DLST: variants seen among roughly 807,000 people sequenced by gnomAD.
DLST encodes dihydrolipoamide S-succinyltransferase, also known as dihydrolipoyllysine-residue succinyltransferase component of 2-oxoglutarate dehydrogenase complex, mitochondrial.
A neutral mutation model predicts 53.1 loss-of-function variants in DLST; 17 were observed. The observed-to-expected ratio is 0.32, with a 90% CI of 0.22 to 0.48. DLST has a LOEUF of 0.48. Ranked by LOEUF, DLST falls within the 20% of genes least tolerant of loss-of-function variation. The pLI, the probability that DLST is intolerant of heterozygous loss-of-function variation, is 0.99. For synonymous variants in DLST, 206 were observed against 204.8 expected (o/e 1.01, Z -0.05); for missense variants, 512 against 583.9 (o/e 0.88, Z 1.27).
At chr14:74,885,860 G>C in intron 3 of DLST, 1 of 470,794 alleles carries the variant, frequency 2.1e-6, no homozygotes. Flanking sequence ...ACTCTCCACA[G>C]GTGTTTGGAT....
intron 13 of DLST, 71 bp downstream of exon 13, chr14:74,900,443 T>C: frequency 1.9e-5 from 26 of 1,375,746 alleles, no homozygotes; most frequent in Non-Finnish European, 2.7e-5. Flanking sequence ...CTGGGCTCAC[T>C]AGCAAGCAGT....
chr14:74,888,362 T>C (rs1186313866), intron 3 of DLST, among the ~76,000 whole-genome samples: 1 of 151,778 alleles, frequency 6.6e-6, no homozygotes, highest in Non-Finnish European at 1.5e-5. Context: ...CTAAATCTGT[T>C]ATCTTGAGGG....
chr14:74,898,280 C>G (rs1047522965), intron 10 of DLST, 89 bp from the exon 11 acceptor site: 51 of 1,509,140 alleles, frequency 3.4e-5, no homozygotes, highest in African/African-American at 8.4e-5. Context: ...GGGAAAAGCT[C>G]TCACCTAATT....
chr14:74,902,166 G>A (rs1240140242), intron 14 of DLST, 30 bp from the exon 15 acceptor site: 1 of 1,519,218 alleles, frequency 6.6e-7, no homozygotes, highest in Admixed American at 2.0e-5. Flanking sequence ...GCTTGCTGGA[G>A]ACAAACCTAT....
rs77722908 is a variant in DLST at position 74,885,791 on chromosome 14, C to G, written c.146+157C>G. On this transcript the variant is annotated intron_variant, in intron 3 of 14. Coordinates refer to ENST00000334220, the MANE Select transcript of DLST (RefSeq NM_001933.5). ...TAGACTAACCTCAATGTTCACTTTT[C>G]CCATGTGATGTTCCTTGAGCATCAG... The G allele has an allele frequency of 2.9e-3, 1,904 of 664,488 alleles. 26 individuals are homozygous for G. In the African/African-American group the frequency reaches 0.032, roughly 11 times the overall value. 41.2% of individuals were successfully genotyped at this position (664,488 alleles called of 1,614,324 possible).
intron 2 of DLST, 100 bp downstream of exon 2, chr14:74,882,724 C>T (rs1566787618): frequency 1.8e-6 from 2 of 1,102,376 alleles, no homozygotes; most frequent in Non-Finnish European, 2.7e-6. Flanking sequence ...TATTTAAAGA[C>T]AGTTTGGTTC....
At position 74,889,128 on chromosome 14, in the gene DLST, C is replaced by T. The variant is rs763870039; in HGVS notation, c.180C>T (p.Phe60=). The part of the protein sequence containing the change: ...INNSVFSVRF[F]RTTAVCKDDL... ...ACAGTGTCTTCAGTGTTCGCTTTTT[C>T]AGAACTACAGCTGTATGCAGTAAGT... Residue 60 remains phenylalanine (F), a synonymous_variant, in exon 4 of 15, where the codon TTC becomes TTT. Coordinates refer to ENST00000334220, the MANE Select transcript of DLST (RefSeq NM_001933.5). 1 of 1,614,076 alleles carries T rather than the reference C, an allele frequency of 6.2e-7. No homozygotes were observed. Among genetic ancestry groups the T allele is most frequent in the South Asian group, 1.1e-5 (1 of 91,066 alleles).
intron 14 of DLST, 78 bp downstream of exon 14, chr14:74,901,311 CAT>C: frequency 1.4e-6 from 2 of 1,382,618 alleles, no homozygotes; most frequent in Non-Finnish European, 2.0e-6. Flanking sequence ...AATTGTAAAA[CAT>C]TAACTATAAT....
At chr14:74,884,126 T>A (rs1468674302) in intron 2 of DLST, among the ~76,000 whole-genome samples, 2 of 152,194 alleles carry the variant, frequency 1.3e-5, no homozygotes, top group African/African-American at 4.8e-5. Context: ...AGAAAATGTA[T>A]TCCAGGCAAA....
At chr14:74,886,663 CA>C (rs2140187717) in intron 3 of DLST, among the ~76,000 whole-genome samples, 1 of 152,148 alleles carries the variant, frequency 6.6e-6, no homozygotes, top group Non-Finnish European at 1.5e-5. Flanking sequence ...ATGTTGCACT[CA>C]GTACTAGAAA....
Position 74,900,279 on chromosome 14 carries a change from C to T in DLST, c.976-10C>T. On this transcript the variant is annotated splice_polypyrimidine_tract_variant and intron_variant, in intron 12 of 14. Coordinates refer to ENST00000334220, the MANE Select transcript of DLST (RefSeq NM_001933.5). ...ATTTGCAACTGAAAACAGCTTTTCACCCCCTTCAGGGTCTGGTGGTTCCAG... is the reference window on the plus strand; with the variant it reads ...ATTTGCAACTGAAAACAGCTTTTCATCCCCTTCAGGGTCTGGTGGTTCCAG... 3 of 1,613,660 alleles carry T rather than the reference C, an allele frequency of 1.9e-6. No homozygotes were observed. The highest frequency in any genetic ancestry group is 1.1e-5 in the South Asian group (1 of 91,040).
intron 7 of DLST, 91 bp downstream of exon 7, chr14:74,891,258 G>GGCAGC: frequency 6.4e-7 from 1 of 1,572,602 alleles, no homozygotes; most frequent in Non-Finnish European, 8.7e-7. Flanking sequence ...ATATGTCAAA[G>GGCAGC]ACTCTTGTCA....
intron 3 of DLST, among the ~76,000 whole-genome samples, chr14:74,886,331 G>T (rs112225496): frequency 6.6e-6 from 1 of 152,130 alleles, no homozygotes; most frequent in Non-Finnish European, 1.5e-5. Context: ...GAGGGTTTTT[G>T]TTGTTGTTGT....
chr14:74,903,061 C>T lies in DLST; in HGVS notation c.*731C>T, dbSNP rs1884319796. 6.5e-6 allele frequency: 1 copy of T among 152,718 alleles called. No individual in the cohort carries two copies. The highest frequency in any genetic ancestry group is 2.1e-4 in the South Asian group (1 of 4,836). The allele number at this position is 152,718 out of a possible 1,614,324, so 9.5% of individuals were successfully genotyped here. A position where few individuals can be genotyped will look rare whatever the true frequency, so the allele number is the denominator to read the frequency against. ...GACACCAAGAAGACTCGTCTTGGCA[C>T]AATCTCACACAGCTGGGGCTGTAGC... is the stretch of plus-strand genomic sequence containing the variant. On this transcript the variant is annotated 3_prime_UTR_variant, in exon 15 of 15. Transcript: ENST00000334220.
chr14:74,898,214 T>C (rs1884131970), intron 10 of DLST, among the ~76,000 whole-genome samples, 155 bp from the exon 11 acceptor site: 1 of 152,168 alleles, frequency 6.6e-6, no homozygotes, highest in Admixed American at 6.5e-5. Flanking sequence ...AGAGTTACTG[T>C]GTTAACCTCA....
chr14:74,884,210 G>A (rs531707784), intron 2 of DLST, among the ~76,000 whole-genome samples: 2 of 152,320 alleles, frequency 1.3e-5, no homozygotes, highest in African/African-American at 4.8e-5. Flanking sequence ...AAGCCTGTCT[G>A]GCAGGAAAGA....
chr14:74,902,511 C>A lies in DLST; in HGVS notation c.*181C>A. 1 of 581,932 alleles carries A rather than the reference C, an allele frequency of 1.7e-6. No homozygotes were observed. Among genetic ancestry groups the A allele is most frequent in the Non-Finnish European group, 2.8e-6 (1 of 359,086 alleles). The allele number at this position is 581,932 out of a possible 1,614,324, so 36.0% of individuals were successfully genotyped here. ...GTCTTTTCTTGGCGTTCCTGCCAGG[C>A]TCTCCCTCTCTGCACCTGTCTCATA... On this transcript the variant is annotated 3_prime_UTR_variant, in exon 15 of 15. Transcript: ENST00000334220.
At chr14:74,882,134 C>T (rs1883539706) in intron 1 of DLST, 118 bp downstream of exon 1, 1 of 926,358 alleles carries the variant, frequency 1.1e-6, no homozygotes. Context: ...GGCACTGGGA[C>T]GCGGAGGCCG....
At chr14:74,884,499 G>A (rs897512180) in intron 2 of DLST, among the ~76,000 whole-genome samples, 1 of 152,160 alleles carries the variant, frequency 6.6e-6, no homozygotes, top group Admixed American at 6.5e-5. Flanking sequence ...TATATGAAAT[G>A]GGAATAATGG....
Sources: gnomAD v4.1 joint callset for allele counts (sites outside exome capture counted in the v4.1 genomes callset) on GRCh38, gnomAD v4.1.1 for gene constraint, MANE v1.5 for transcripts, NCBI Gene and HGNC (gene_info 2026-07-23, HGNC 2026-07-21) for gene names.